ZC3H18: variants seen among roughly 807,000 people sequenced by gnomAD.
The protein encoded by ZC3H18 is zinc finger CCCH domain-containing protein 18.
A neutral mutation model predicts 106.1 loss-of-function variants in ZC3H18; 8 were observed. The ratio of observed to expected loss-of-function variants is 0.08; its 90% CI spans 0.04 to 0.14. ZC3H18 has a LOEUF of 0.14. ZC3H18 is among the 10% of genes least tolerant of loss of function. The probability of loss-of-function intolerance (pLI) is 1.00; values close to 1 mark genes in which losing one functional copy is unlikely to be tolerated. For missense variants in ZC3H18, 1,318 were observed against 1,278.4 expected, an observed-to-expected ratio of 1.03 and a Z score of -0.47; for synonymous variants, 635 against 522.1, an observed-to-expected ratio of 1.22 and a Z score of -2.95.
intron 5 of ZC3H18, among the ~76,000 whole-genome samples, chr16:88,599,438 A>G (rs1355168450): frequency 6.6e-6 from 1 of 151,038 alleles, no homozygotes; most frequent in African/African-American, 2.4e-5. Flanking sequence ...GTTCCTTCTC[A>G]CTCCCTCGGC....
At chr16:88,581,207 G>A (rs1186740475) in intron 2 of ZC3H18, among the ~76,000 whole-genome samples, 1 of 152,124 alleles carries the variant, frequency 6.6e-6, no homozygotes, top group African/African-American at 2.4e-5. Flanking sequence ...TCACTATGTT[G>A]CCCAGGCTGG....
intron 1 of ZC3H18, among the ~76,000 whole-genome samples, chr16:88,575,645 A>G (rs1203174187): frequency 6.6e-6 from 1 of 152,084 alleles, no homozygotes; most frequent in Non-Finnish European, 1.5e-5. Flanking sequence ...ACTCGAAAAT[A>G]TTAACTTTAT....
chr16:88,576,745 A>T (rs959100220), intron 1 of ZC3H18, among the ~76,000 whole-genome samples: 1 of 152,184 alleles, frequency 6.6e-6, no homozygotes, highest in Non-Finnish European at 1.5e-5. Context: ...TCAAAAGTAA[A>T]TACTCCTCTA....
chr16:88,611,135 G>C, intron 7 of ZC3H18, 133 bp from the exon 8 acceptor site: 1 of 679,278 alleles, frequency 1.5e-6, no homozygotes, highest in Non-Finnish European at 2.7e-6. Context: ...TTGGCGTTTT[G>C]TGTGTAGGTT....
chr16:88,609,295 GTGTTTGTT>G (rs372050949), intron 7 of ZC3H18: 3 of 284,780 alleles, frequency 1.1e-5, no homozygotes, highest in East Asian at 1.6e-4. Context: ...TTTTTGTGTG[GTGTTTGTT>G]TGTTTGTTTT....
intron 10 of ZC3H18, 187 bp from the exon 11 acceptor site, chr16:88,623,771 G>C (rs1567598591): frequency 8.8e-7 from 1 of 1,133,434 alleles, no homozygotes; most frequent in Non-Finnish European, 1.2e-6. Flanking sequence ...CACCTTCCAC[G>C]CTCTCTGGTC....
chr16:88,579,591 G>C (rs1914984660), intron 2 of ZC3H18, among the ~76,000 whole-genome samples: 2 of 152,158 alleles, frequency 1.3e-5, no homozygotes, highest in Non-Finnish European at 2.9e-5. Flanking sequence ...GAATGGCCCT[G>C]GCTGCCAAGG....
intron 6 of ZC3H18, among the ~76,000 whole-genome samples, chr16:88,607,571 T>C (rs549147511): frequency 1.3e-5 from 2 of 152,198 alleles, no homozygotes; most frequent in East Asian, 3.9e-4. Flanking sequence ...CATTTATTCA[T>C]GCACACTTTG....
intron 1 of ZC3H18, chr16:88,571,621 A>C (rs1244877571): frequency 1.0e-6 from 1 of 985,332 alleles, no homozygotes; most frequent in Non-Finnish European, 1.2e-6. Context: ...TAGGTGGGAC[A>C]TGCTGAAATA....
At chr16:88,595,843 T>C (rs1283312238) in intron 3 of ZC3H18, among the ~76,000 whole-genome samples, 2 of 151,714 alleles carry the variant, frequency 1.3e-5, no homozygotes, top group East Asian at 1.9e-4. Context: ...GAAAGTAATA[T>C]GGGCTGGCAG....
intron 1 of ZC3H18, among the ~76,000 whole-genome samples, chr16:88,573,863 T>A (rs1597314624): frequency 6.6e-6 from 1 of 152,044 alleles, no homozygotes; most frequent in South Asian, 2.1e-4. Flanking sequence ...ATCTATGTTA[T>A]TGCTAACCAT....
chr16:88,625,644 C>T (rs559018472), intron 13 of ZC3H18: 210 of 229,448 alleles, frequency 9.2e-4, no homozygotes, highest in Non-Finnish European at 1.6e-3. Context: ...TCACACCTGT[C>T]GAGGGAACCG....
At chr16:88,624,193 G>A in intron 11 of ZC3H18, 131 bp downstream of exon 11, 2 of 1,271,988 alleles carry the variant, frequency 1.6e-6, no homozygotes, top group Non-Finnish European at 2.2e-6. Flanking sequence ...GCTGGCCCCA[G>A]GGGGTGACTG....
Position 88,631,521 on chromosome 16 carries a change from C to A in ZC3H18, c.*222C>A. The A allele has an allele frequency of 1.5e-6, 1 of 669,976 alleles. No individual in the cohort carries two copies. 41.5% of individuals were successfully genotyped at this position (669,976 alleles called of 1,614,324 possible). The stretch of plus-strand genomic sequence containing the variant: ...GTCCCGCAGGACAGACAGACACAGA[C>A]AGCGCTAGTGACCAGCACGGTTCTC... On this transcript the variant is annotated 3_prime_UTR_variant, in exon 18 of 18. Transcript: ENST00000301011.
chr16:88,571,758 A>G (rs1914421275), intron 1 of ZC3H18: 3 of 878,754 alleles, frequency 3.4e-6, no homozygotes, highest in Non-Finnish European at 2.7e-6. Context: ...GTACCTCTTT[A>G]TCAAGGAGTT....
At chr16:88,605,204 G>GGGT (rs1904953313) in intron 6 of ZC3H18, among the ~76,000 whole-genome samples, 1 of 152,252 alleles carries the variant, frequency 6.6e-6, no homozygotes. Context: ...CAGGGAGGGA[G>GGGT]GGTTGGGCTA....
chr16:88,628,298 G>A (rs932475241), intron 15 of ZC3H18, among the ~76,000 whole-genome samples, 179 bp downstream of exon 15: 4 of 152,224 alleles, frequency 2.6e-5, no homozygotes, highest in Non-Finnish European at 5.9e-5. Context: ...GCTGGGAAGT[G>A]TGAGCATCTG....
At chr16:88,612,191 TG>T (rs1905309604) in intron 8 of ZC3H18, among the ~76,000 whole-genome samples, 1 of 152,200 alleles carries the variant, frequency 6.6e-6, no homozygotes, top group African/African-American at 2.4e-5. Context: ...TAGAGCAGAA[TG>T]GATGGGCGTC....
intron 8 of ZC3H18, among the ~76,000 whole-genome samples, chr16:88,615,418 C>G (rs1480377181): frequency 1.3e-5 from 2 of 152,236 alleles, no homozygotes; most frequent in African/African-American, 4.8e-5. Flanking sequence ...GCCCTGCTCC[C>G]CGTTGCAGCC....
Sources: gnomAD v4.1 joint callset for allele counts (sites outside exome capture counted in the v4.1 genomes callset) on GRCh38, gnomAD v4.1.1 for gene constraint, MANE v1.5 for transcripts, NCBI Gene and HGNC (gene_info 2026-07-23, HGNC 2026-07-21) for gene names.